Variants in CFAP47 observed in about 807,000 individuals in gnomAD.
The protein encoded by CFAP47 is cilia- and flagella-associated protein 47.
CFAP47 carries 29 observed loss-of-function variants against 148.1 expected under a neutral mutation model. The observed-to-expected ratio is 0.20, with a 90% CI of 0.15 to 0.27. CFAP47 has a LOEUF of 0.27. CFAP47 is among the 10% of genes least tolerant of loss of function. CFAP47 has a pLI of 1.00. For missense variants in CFAP47, 1,872 were observed against 1,697.5 expected, an observed-to-expected ratio of 1.10 and a Z score of -1.81; for synonymous variants, 664 against 577.3, an observed-to-expected ratio of 1.15 and a Z score of -2.15.
intron 4 of CFAP47, among the ~76,000 whole-genome samples, chrX:35,950,460 T>C (rs6632423): frequency 0.27 from 30,318 of 110,456 alleles, 4,691 homozygotes; most frequent in African/African-American, 0.58. Flanking sequence ...TGACCTCCCA[T>C]GCTCCAGCAA....
intron 25 of CFAP47, among the ~76,000 whole-genome samples, chrX:36,046,532 A>G (rs1375582939): frequency 9.0e-6 from 1 of 111,169 alleles, no homozygotes; most frequent in Non-Finnish European, 1.9e-5. Context: ...GTAAATTTTC[A>G]TCAGAATACA....
At chrX:36,103,501 GAAAAAA>G (rs61501194) in intron 32 of CFAP47, among the ~76,000 whole-genome samples, 1 of 15,056 alleles carries the variant, frequency 6.6e-5, no homozygotes, top group African/African-American at 2.4e-4. Context: ...TCATATGCCA[GAAAAAA>G]AAAAAAAAAA....
intron 60 of CFAP47, among the ~76,000 whole-genome samples, chrX:36,360,621 A>G (rs1185833697): frequency 1.8e-5 from 2 of 112,123 alleles, no homozygotes; most frequent in East Asian, 5.6e-4. Context: ...CATATGCAAC[A>G]AACTTCTTGA....
At chrX:36,335,873 A>G (rs1199374634) in intron 57 of CFAP47, among the ~76,000 whole-genome samples, 1 of 111,609 alleles carries the variant, frequency 9.0e-6, no homozygotes, top group Non-Finnish European at 1.9e-5. Flanking sequence ...GAGTGCATGG[A>G]ATCTTTCATT....
intron 51 of CFAP47, among the ~76,000 whole-genome samples, chrX:36,292,143 C>T (rs1280226153): frequency 9.0e-6 from 1 of 110,978 alleles, no homozygotes; most frequent in Non-Finnish European, 1.9e-5. Context: ...TAGCAAACCA[C>T]CTTGATTGCA....
At chrX:36,342,767 T>A (rs1941664623) in intron 57 of CFAP47, among the ~76,000 whole-genome samples, 1 of 111,684 alleles carries the variant, frequency 9.0e-6, no homozygotes, top group East Asian at 2.8e-4. Context: ...ATGGGTAGAT[T>A]TTTTTGTTGT....
intron 51 of CFAP47, among the ~76,000 whole-genome samples, chrX:36,298,691 T>C (rs1732301482): frequency 9.0e-6 from 1 of 111,039 alleles, no homozygotes; most frequent in Non-Finnish European, 1.9e-5. Flanking sequence ...CAGTGAAAAA[T>C]ATATTTTAAA....
In CFAP47 at chrX:36,349,933, A is replaced by C. The variant is rs1186908828; in HGVS notation, c.8604-105A>C. 4 of 442,718 alleles carry C rather than the reference A, an allele frequency of 9.0e-6. No individual in the cohort carries two copies. The Admixed American group carries it at 1.9e-4, about 21-fold the overall frequency. 36.5% of individuals were successfully genotyped at this position (442,718 alleles called of 1,213,427 possible). ...TCAGTTGCTCTCTACCAAAGTCTGA[A>C]TTTACAAGCTTTACTAAAATACCAT... On this transcript the variant is annotated intron_variant, in intron 58 of 63. Coordinates refer to ENST00000378653, the MANE Select transcript of CFAP47 (RefSeq NM_001304548.2).
chrX:36,278,374 C>T (rs782038529), intron 49 of CFAP47, among the ~76,000 whole-genome samples: 64 of 112,781 alleles, frequency 5.7e-4, no homozygotes, highest in African/African-American at 1.8e-3. Flanking sequence ...AGCAAGGCTC[C>T]GTGGGCGTGG....
chrX:36,306,101 T>C (rs1436599648), intron 54 of CFAP47, among the ~76,000 whole-genome samples: 1 of 112,218 alleles, frequency 8.9e-6, no homozygotes, highest in Non-Finnish European at 1.9e-5. Context: ...TTCATACATG[T>C]GCCACTCATG....
At position 35,920,017 on chromosome X, in the gene CFAP47, A is replaced by G; in HGVS notation, c.218A>G (p.Lys73Arg). ...CATAATATTTGCCGCTGGAACCAGAAAATCCGATTTAAGGAGCCCGTCAAG... is the reference window on the plus strand; with the variant it reads ...CATAATATTTGCCGCTGGAACCAGAGAATCCGATTTAAGGAGCCCGTCAAG... ...TVHNICRWNQ[K>R]IRFKEPVKPQ... is the part of the protein sequence containing the mutation. The change falls in exon 1 of 64, where the codon AAA (lysine) becomes AGA (arginine). Residue 73 changes from lysine to arginine, a missense_variant. Coordinates refer to ENST00000378653, the MANE Select transcript of CFAP47 (RefSeq NM_001304548.2). The G allele has an allele frequency of 8.3e-7, 1 of 1,199,008 alleles. No homozygotes were observed. Among genetic ancestry groups the G allele is most frequent in the Non-Finnish European group, 1.1e-6 (1 of 887,313 alleles).
chrX:36,074,574 A>G (rs1179495118), intron 29 of CFAP47, among the ~76,000 whole-genome samples: 1 of 111,944 alleles, frequency 8.9e-6, no homozygotes, highest in Admixed American at 9.5e-5. Context: ...TTTGGGATCT[A>G]GTTAATGAAT....
At chrX:36,288,976 T>A (rs1941163548) in intron 51 of CFAP47, among the ~76,000 whole-genome samples, 3 of 103,100 alleles carry the variant, frequency 2.9e-5, no homozygotes, top group African/African-American at 1.1e-4. Flanking sequence ...GTTACTGTTT[T>A]CAATGTATTT....
chrX:36,305,484 A>G (rs1378567222), intron 54 of CFAP47, among the ~76,000 whole-genome samples: 1 of 111,707 alleles, frequency 9.0e-6, no homozygotes, highest in Admixed American at 9.6e-5. Context: ...AACATTTCCA[A>G]CCATGGCTTT....
chrX:35,975,032 T>A (rs1299651495), intron 13 of CFAP47, 115 bp from the exon 14 acceptor site: 1 of 427,177 alleles, frequency 2.3e-6, no homozygotes, highest in Non-Finnish European at 3.8e-6. Flanking sequence ...AAATATTTTT[T>A]AAAATTTCAT....
intron 39 of CFAP47, among the ~76,000 whole-genome samples, chrX:36,169,542 C>T (rs971012777): frequency 3.6e-5 from 4 of 111,026 alleles, no homozygotes; most frequent in Non-Finnish European, 7.5e-5. Context: ...CCATACCAAA[C>T]CTGCTGTTGA....
intron 21 of CFAP47, among the ~76,000 whole-genome samples, chrX:36,001,926 A>G (rs972751051): frequency 6.3e-5 from 7 of 111,302 alleles, no homozygotes; most frequent in Non-Finnish European, 1.3e-4. Context: ...GGGACCTATG[A>G]TTGTGTGGTC....
intron 33 of CFAP47, among the ~76,000 whole-genome samples, chrX:36,115,541 A>G (rs1351457431): frequency 8.9e-6 from 1 of 111,771 alleles, no homozygotes; most frequent in Non-Finnish European, 1.9e-5. Flanking sequence ...AATATGTACT[A>G]TGCTAATCAA....
At chrX:35,981,559 A>G (rs1216438408) in intron 15 of CFAP47, among the ~76,000 whole-genome samples, 1 of 110,814 alleles carries the variant, frequency 9.0e-6, no homozygotes, top group African/African-American at 3.3e-5. Flanking sequence ...TCAGGGGTAC[A>G]TGTGCAGGTT....
Sources: allele counts gnomAD v4.1 joint callset (sites outside exome capture counted in the v4.1 genomes callset), GRCh38; gene constraint gnomAD v4.1.1; transcripts MANE v1.5; gene names NCBI Gene and HGNC (gene_info 2026-07-23, HGNC 2026-07-21).